Variants in THOC2 observed in about 807,000 individuals in gnomAD.
The protein encoded by THOC2 is THO complex subunit 2, also known as THO complex 2.
Under a neutral mutation model 128.4 loss-of-function variants are expected in THOC2, and 10 were observed. That is an observed-to-expected ratio of 0.08 (90% CI 0.05 to 0.13). THOC2 has a LOEUF of 0.13. Ranked by LOEUF, THOC2 falls within the 10% of genes least tolerant of loss-of-function variation. The pLI is 1.00. For missense variants in THOC2, 535 were observed against 1,155.7 expected (o/e 0.46, Z 7.79); for synonymous variants, 393 against 396.9 (o/e 0.99, Z 0.12).
intron 1 of THOC2, among the ~76,000 whole-genome samples, chrX:123,719,762 T>C (rs1319336645): frequency 9.5e-6 from 1 of 105,475 alleles, no homozygotes; most frequent in Non-Finnish European, 2.0e-5. Context: ...AGCAAGACCC[T>C]GTCTCTACAA....
At position 123,622,876 on chromosome X, in the gene THOC2, G is replaced by A. The variant is rs184750905; in HGVS notation, c.3683-16C>T. 593 of 1,101,034 alleles carry A rather than the reference G, an allele frequency of 5.4e-4. 3 individuals carry two copies. In the East Asian group the frequency reaches 0.017, roughly 31 times the overall value. 90.7% of individuals were successfully genotyped at this position (1,101,034 alleles called of 1,213,427 possible). A position where few individuals can be genotyped will look rare whatever the true frequency, so the allele number is the denominator to read the frequency against. On this transcript the variant is annotated splice_polypyrimidine_tract_variant and intron_variant, in intron 29 of 38. Transcript: ENST00000245838. ...CTTGATTTATCTGAAATAAAAGTAA[G>A]GTTTTATTTAACAAGCCCCTAAATG...
At chrX:123,622,507 A>G (rs772730785) in intron 30 of THOC2, among the ~76,000 whole-genome samples, 3 of 111,828 alleles carry the variant, frequency 2.7e-5, no homozygotes, top group African/African-American at 3.3e-5. Flanking sequence ...ATGACTTTTC[A>G]CATTACTCAA....
rs904835403 is a variant in THOC2 at position 123,713,842 on chromosome X, A to G, written c.72-934T>C. 7.2e-5 allele frequency among the ~76,000 whole-genome samples: 7 copies of G among 96,805 alleles called. No individual in the cohort carries two copies. In the South Asian group the frequency reaches 2.7e-3, roughly 37 times the overall value. The allele number at this position is 96,805 out of a possible 115,157, so 84.1% of individuals were successfully genotyped here. ...ACTGTACTCCAGCCTGGGAGACAGG[A>G]AAAAAAAAAAAAGGAAAAAAGAAAA... On this transcript the variant is annotated intron_variant, in intron 1 of 38. Transcript: ENST00000245838.
chrX:123,665,641 C>A lies in THOC2; in HGVS notation c.1386+1G>T. The A allele has an allele frequency of 8.9e-7, 1 of 1,120,758 alleles. No individual in the cohort carries two copies. The highest frequency in any genetic ancestry group is 2.5e-5 in the South Asian group (1 of 40,326). 92.4% of individuals were successfully genotyped at this position (1,120,758 alleles called of 1,213,427 possible). ...AGGTTTGTAAGAAAAATCTTACTTACCTCCTTCATAAATGACTTGCCTATG... is the reference window on the plus strand; with the variant it reads ...AGGTTTGTAAGAAAAATCTTACTTAACTCCTTCATAAATGACTTGCCTATG... On this transcript the variant is annotated splice_donor_variant, in intron 12 of 38. Transcript: ENST00000245838. LOFTEE classifies it high-confidence loss of function.
At chrX:123,668,107 A>C in intron 10 of THOC2, 52 bp downstream of exon 10, 11 of 937,627 alleles carry the variant, frequency 1.2e-5, no homozygotes, top group African/African-American at 2.0e-5. Context: ...GTTAAATTTC[A>C]TAATTCAAAA....
intron 10 of THOC2, among the ~76,000 whole-genome samples, 159 bp from the exon 11 acceptor site, chrX:123,667,437 A>C (rs1192268609): frequency 8.9e-6 from 1 of 112,218 alleles, no homozygotes; most frequent in Non-Finnish European, 1.9e-5. Context: ...CAAAATTTTT[A>C]GCTATTGAAA....
intron 21 of THOC2, among the ~76,000 whole-genome samples, chrX:123,632,349 G>C (rs1163967952): frequency 9.2e-6 from 1 of 109,241 alleles, no homozygotes; most frequent in African/African-American, 3.3e-5. Flanking sequence ...AATTAGCCAG[G>C]TGTGGTGGTG....
At chrX:123,684,773 C>A (rs1907988602) in intron 8 of THOC2, among the ~76,000 whole-genome samples, 2 of 112,379 alleles carry the variant, frequency 1.8e-5, no homozygotes, top group South Asian at 7.4e-4. Context: ...AAGCTATATG[C>A]TTTTAAACTG....
intron 36 of THOC2, 134 bp from the exon 37 acceptor site, chrX:123,611,650 C>A: frequency 1.5e-5 from 6 of 401,754 alleles, no homozygotes; most frequent in East Asian, 7.9e-5. Flanking sequence ...GCATAAGCAA[C>A]AAAAGGAAAA....
chrX:123,708,171 T>G (rs1420979822), intron 2 of THOC2, among the ~76,000 whole-genome samples: 1 of 111,383 alleles, frequency 9.0e-6, no homozygotes, highest in Admixed American at 9.6e-5. Context: ...ATAATAGAAA[T>G]CAAAATGTAC....
Position 123,697,663 on chromosome X carries a change from A to C in THOC2, c.345+18T>G. 1 of 945,645 alleles carries C rather than the reference A, an allele frequency of 1.1e-6. No homozygotes were observed. The highest frequency in any genetic ancestry group is 1.5e-6 in the Non-Finnish European group (1 of 682,206). 77.9% of individuals were successfully genotyped at this position (945,645 alleles called of 1,213,427 possible). A position where few individuals can be genotyped will look rare whatever the true frequency, so the allele number is the denominator to read the frequency against. On this transcript the variant is annotated intron_variant, in intron 5 of 38. Transcript: ENST00000245838. ...TAATGCAGATTTTTAAAAGGGAAAA[A>C]TATTTTTAAAAACTTACCAAACATG...
rs1026581755 is a variant in THOC2, at chrX:123,633,876, ATT to A, written c.2136+75_2136+76del. ...GACATTTGGTTTTATAAACTTACAT[ATT>A]GTTTGGATTCTTTACTATGACCGTG... is the stretch of plus-strand genomic sequence containing the variant. On this transcript the variant is annotated intron_variant, in intron 20 of 38. Coordinates refer to ENST00000245838, the MANE Select transcript of THOC2 (RefSeq NM_001081550.2). 27 of 612,078 alleles carry A rather than the reference ATT, an allele frequency of 4.4e-5. No individual in the cohort carries two copies. In the African/African-American group the frequency reaches 6.2e-4, roughly 14 times the overall value. The allele number at this position is 612,078 out of a possible 1,213,427, so 50.4% of individuals were successfully genotyped here.
chrX:123,688,306 G>A (rs763477007), intron 7 of THOC2, among the ~76,000 whole-genome samples: 31 of 112,167 alleles, frequency 2.8e-4, no homozygotes, highest in Non-Finnish European at 4.9e-4. Flanking sequence ...AAGAACTACT[G>A]ATACAGGTAA....
intron 8 of THOC2, among the ~76,000 whole-genome samples, chrX:123,685,236 T>C (rs1303058282): frequency 5.3e-5 from 6 of 112,446 alleles, no homozygotes; most frequent in Non-Finnish European, 1.1e-4. Flanking sequence ...GCAAAGGAGA[T>C]AGATACAGTT....
At chrX:123,704,997 T>C (rs2050867359) in intron 3 of THOC2, among the ~76,000 whole-genome samples, 1 of 112,428 alleles carries the variant, frequency 8.9e-6, no homozygotes, top group Non-Finnish European at 1.9e-5. Flanking sequence ...GGGATCATAG[T>C]TCACTTACTG....
chrX:123,666,053 A>C (rs1316827240), intron 11 of THOC2, among the ~76,000 whole-genome samples: 1 of 111,206 alleles, frequency 9.0e-6, no homozygotes, highest in Admixed American at 9.6e-5. Flanking sequence ...AACAACAGTC[A>C]TTAGAAAAAA....
chrX:123,718,694 G>C (rs916622291), intron 1 of THOC2, among the ~76,000 whole-genome samples: 2 of 109,668 alleles, frequency 1.8e-5, no homozygotes, highest in Non-Finnish European at 3.8e-5. Flanking sequence ...AGGAGGCAGA[G>C]ATTGCAGTAA....
chrX:123,618,527 AAAG>A (rs1410999598), intron 33 of THOC2, among the ~76,000 whole-genome samples: 4 of 112,035 alleles, frequency 3.6e-5, no homozygotes, highest in Non-Finnish European at 7.5e-5. Context: ...GTCCACCAGT[AAAG>A]AAATCATGCT....
intron 22 of THOC2, 124 bp downstream of exon 22, chrX:123,631,561 AAAG>A (rs2047486122): frequency 4.2e-6 from 3 of 719,802 alleles, no homozygotes; most frequent in Admixed American, 6.5e-5. Flanking sequence ...TATTGGAAAC[AAAG>A]AAGGGATCCT....
Sources: allele counts gnomAD v4.1 joint callset (sites outside exome capture counted in the v4.1 genomes callset), GRCh38; gene constraint gnomAD v4.1.1; transcripts MANE v1.5; gene names NCBI Gene and HGNC (gene_info 2026-07-23, HGNC 2026-07-21).